The following ZNF804A variants were observed in gnomAD, a reference collection of about 807,000 sequenced individuals.
The protein encoded by ZNF804A is zinc finger protein 804A.
Under a neutral mutation model 16.5 loss-of-function variants are expected in ZNF804A, and 2 were observed. That is an observed-to-expected ratio of 0.12 (90% CI 0.05 to 0.38). The LOEUF is 0.38. Ranked by LOEUF, ZNF804A falls within the 10% of genes least tolerant of loss-of-function variation. The probability of loss-of-function intolerance (pLI) is 0.99; values close to 1 mark genes in which losing one functional copy is unlikely to be tolerated. For missense variants in ZNF804A, 1,473 were observed against 1,390.7 expected, an observed-to-expected ratio of 1.06 and a Z score of -0.94; for synonymous variants, 534 against 489.6, an observed-to-expected ratio of 1.09 and a Z score of -1.20.
intron 2 of ZNF804A, among the ~76,000 whole-genome samples, chr2:184,917,436 C>A (rs1031755966): frequency 6.6e-6 from 1 of 151,668 alleles, no homozygotes; most frequent in Non-Finnish European, 1.5e-5. Flanking sequence ...TATGTCATAT[C>A]ATAAAAGGAT....
intron 2 of ZNF804A, among the ~76,000 whole-genome samples, chr2:184,921,364 C>CA: frequency 1.3e-5 from 2 of 151,928 alleles, no homozygotes; most frequent in Non-Finnish European, 2.9e-5. Context: ...AAGTCTGTCA[C>CA]AAAAATAAGA....
chr2:184,696,840 G>T (rs1469553515), intron 1 of ZNF804A, among the ~76,000 whole-genome samples: 1 of 151,862 alleles, frequency 6.6e-6, no homozygotes, highest in Non-Finnish European at 1.5e-5. Flanking sequence ...TAAATATGCT[G>T]ATTAAGCTAT....
chr2:184,794,904 A>G (rs1214063221), intron 1 of ZNF804A, among the ~76,000 whole-genome samples: 1 of 151,886 alleles, frequency 6.6e-6, no homozygotes, highest in Non-Finnish European at 1.5e-5. Flanking sequence ...AACATACTGG[A>G]GTTCCCAAAT....
intron 1 of ZNF804A, among the ~76,000 whole-genome samples, chr2:184,723,605 T>C (rs1574180907): frequency 6.6e-6 from 1 of 151,808 alleles, no homozygotes; most frequent in East Asian, 1.9e-4. Context: ...TCCGAAGTTG[T>C]AAAAACACAG....
At chr2:184,651,728 A>G (rs1691986883) in intron 1 of ZNF804A, among the ~76,000 whole-genome samples, 2 of 152,150 alleles carry the variant, frequency 1.3e-5, no homozygotes, top group Admixed American at 1.3e-4. Flanking sequence ...TGCAAATCAG[A>G]ATCACAATGA....
chr2:184,811,347 C>G (rs1694895996), intron 1 of ZNF804A, among the ~76,000 whole-genome samples: 1 of 152,098 alleles, frequency 6.6e-6, no homozygotes, highest in African/African-American at 2.4e-5. Flanking sequence ...GATAAAACCA[C>G]CTTTTTAATT....
chr2:184,646,435 G>T (rs568594441), intron 1 of ZNF804A, among the ~76,000 whole-genome samples: 1 of 152,290 alleles, frequency 6.6e-6, no homozygotes, highest in South Asian at 2.1e-4. Context: ...GCCCTCTGTG[G>T]TTTATGCCCA....
intron 1 of ZNF804A, among the ~76,000 whole-genome samples, chr2:184,849,243 A>G (rs1253724779): frequency 1.3e-5 from 2 of 151,988 alleles, no homozygotes; most frequent in African/African-American, 4.8e-5. Flanking sequence ...ATCAGTATGG[A>G]GCGGGATTTT....
At chr2:184,847,779 T>C (rs889073545) in intron 1 of ZNF804A, among the ~76,000 whole-genome samples, 3 of 152,054 alleles carry the variant, frequency 2.0e-5, no homozygotes, top group Admixed American at 1.3e-4. Flanking sequence ...TGGCTCTAAA[T>C]TGGGAGTTTC....
intron 1 of ZNF804A, among the ~76,000 whole-genome samples, chr2:184,707,750 A>C (rs527437719): frequency 1.3e-5 from 2 of 152,224 alleles, no homozygotes; most frequent in African/African-American, 4.8e-5. Context: ...GCATTTTTGA[A>C]TATATGTGTG....
chr2:184,920,172 G>A (rs1685508314), intron 2 of ZNF804A, among the ~76,000 whole-genome samples: 1 of 152,034 alleles, frequency 6.6e-6, no homozygotes, highest in Non-Finnish European at 1.5e-5. Context: ...TATTTCAAAT[G>A]GTGCCTGCAT....
At chr2:184,648,632 G>T (rs1691925268) in intron 1 of ZNF804A, among the ~76,000 whole-genome samples, 1 of 152,080 alleles carries the variant, frequency 6.6e-6, no homozygotes, top group Admixed American at 6.6e-5. Flanking sequence ...AAGAGCAAGG[G>T]TTGCTATTCT....
chr2:184,859,531 T>C (rs1046765898), intron 1 of ZNF804A, among the ~76,000 whole-genome samples: 1 of 152,212 alleles, frequency 6.6e-6, no homozygotes, highest in Non-Finnish European at 1.5e-5. Context: ...TTCTGTGTTT[T>C]GTTAAAGTTC....
At position 184,866,432 on chromosome 2, in the gene ZNF804A, T is replaced by C; in HGVS notation, c.175T>C (p.Cys59Arg). 1 of 1,613,322 alleles carries C rather than the reference T, an allele frequency of 6.2e-7. No homozygotes were observed. The change falls in exon 2 of 4, where the codon TGT becomes CGT. Residue 59 changes from cysteine to arginine, a missense_variant. Transcript: ENST00000302277. ...ALEDLKANFY[C>R]ELCDKQYYKH... Reference sequence around the variant, plus strand: ...GGAAGATCTGAAGGCAAATTTTTACTGTGAACTCTGTGACAAGCAGTACTA... The same window carrying C: ...GGAAGATCTGAAGGCAAATTTTTACCGTGAACTCTGTGACAAGCAGTACTA...
At chr2:184,869,134 C>T (rs1346890894) in intron 2 of ZNF804A, among the ~76,000 whole-genome samples, 1 of 151,774 alleles carries the variant, frequency 6.6e-6, no homozygotes, top group Non-Finnish European at 1.5e-5. Flanking sequence ...ATCCCAAAAT[C>T]TGAAAAAAAA....
Position 184,795,618 on chromosome 2 carries a change from T to C in ZNF804A, c.112-70751T>C, listed in dbSNP as rs550636262. 4.6e-5 allele frequency among the ~76,000 whole-genome samples: 7 copies of C among 152,100 alleles called. No individual in the cohort carries two copies. The South Asian group carries it at 1.4e-3, about 31-fold the overall frequency. On this transcript the variant is annotated intron_variant, in intron 1 of 3. Coordinates refer to ENST00000302277, the MANE Select transcript of ZNF804A (RefSeq NM_194250.2). Reference sequence around the variant, plus strand: ...TGAAACAACAAAAAGATACAAAAGATAAATGAAACAAAAAGCTGGTTCTTT... The same window carrying C: ...TGAAACAACAAAAAGATACAAAAGACAAATGAAACAAAAAGCTGGTTCTTT...
In ZNF804A at chr2:184,938,090, A is replaced by C; in HGVS notation, c.2694A>C (p.Leu898Phe). ...PSETNGETEH[L>F]EMETTSGELS... is the part of the protein sequence containing the mutation. ...AAACCAATGGTGAAACTGAGCATTTAGAAATGGAGACCACTTCTGGTGAAT... is the reference window on the plus strand; with the variant it reads ...AAACCAATGGTGAAACTGAGCATTTCGAAATGGAGACCACTTCTGGTGAAT... Residue 898 changes from leucine (L) to phenylalanine (F), a missense_variant, in exon 4 of 4, where the codon TTA (leucine) becomes TTC (phenylalanine). Leu to Phe is a conservative substitution (Grantham distance 22). Transcript: ENST00000302277. 6.2e-7 allele frequency: 1 copy of C among 1,614,192 alleles called. No homozygotes were observed. Among genetic ancestry groups the C allele is most frequent in the Non-Finnish European group, 8.5e-7 (1 of 1,180,030 alleles).
At chr2:184,710,665 T>C (rs1046288607) in intron 1 of ZNF804A, among the ~76,000 whole-genome samples, 10 of 151,708 alleles carry the variant, frequency 6.6e-5, no homozygotes, top group African/African-American at 1.9e-4. Context: ...AAGAACTCCT[T>C]ATTTTTTTCT....
intron 1 of ZNF804A, among the ~76,000 whole-genome samples, chr2:184,731,572 T>TTG (rs1453992675): frequency 2.1e-3 from 297 of 144,468 alleles, no homozygotes; most frequent in Middle Eastern, 6.9e-3. Flanking sequence ...CGCTTTTTTT[T>TTG]TTTTTTTTTT....
Sources: allele counts gnomAD v4.1 joint callset (sites outside exome capture counted in the v4.1 genomes callset), GRCh38; gene constraint gnomAD v4.1.1; transcripts MANE v1.5; gene names NCBI Gene and HGNC (gene_info 2026-07-23, HGNC 2026-07-21).